The following ZNF551 variants were observed in gnomAD, a reference collection of about 807,000 sequenced individuals.
ZNF551 encodes the protein KOX 23 protein (56 AA).
A neutral mutation model predicts 7.9 loss-of-function variants in ZNF551; 5 were observed. That is an observed-to-expected ratio of 0.63 (90% CI 0.33 to 1.33). ZNF551 has a LOEUF of 1.33. Among genes scored for constraint, ZNF551 ranks in the 40% most tolerant of loss-of-function variants. The pLI is 0.05. For synonymous variants in ZNF551, 287 were observed against 277.3 expected (o/e 1.03, Z -0.35); for missense variants, 788 against 825.2 (o/e 0.95, Z 0.55).
intron 1 of ZNF551, among the ~76,000 whole-genome samples, chr19:57,683,216 A>C (rs948358770): frequency 6.6e-6 from 1 of 152,210 alleles, no homozygotes; most frequent in African/African-American, 2.4e-5. Flanking sequence ...GGGATAGGCC[A>C]GGTGAATGTG....
In ZNF551 at chr19:57,687,767, A is replaced by C. The variant is rs1175142163; in HGVS notation, c.1492A>C (p.Thr498Pro). ...CCTGATTCAACACCAAAGAGTTCAC[A>C]CTGGAGAAAGACCTTATGAATGCAG... Reference protein sequence around the residue: ...FILIQHQRVHTGERPYECSEC... With the variant: ...FILIQHQRVHPGERPYECSEC... Residue 498 changes from threonine (T) to proline (P), a missense_variant, in exon 3 of 3, where the codon ACT becomes CCT. Thr to Pro is a conservative substitution (Grantham distance 38). Transcript: ENST00000282296. The C allele has an allele frequency of 1.2e-6, 2 of 1,614,230 alleles. No individual in the cohort carries two copies. The highest frequency in any genetic ancestry group is 3.3e-5 in the Admixed American group (2 of 60,030).
chr19:57,685,373 G>A lies in ZNF551; in HGVS notation c.193G>A (p.Val65Ile), dbSNP rs1179405600. 2.5e-6 allele frequency: 4 copies of A among 1,614,118 alleles called. No homozygotes were observed. The highest frequency in any genetic ancestry group is 2.2e-5 in the South Asian group (2 of 91,084). The change falls in exon 2 of 3, where the codon GTA becomes ATA. Residue 65 changes from valine to isoleucine, a missense_variant. By Grantham distance (29) the Val-to-Ile change is conservative. Coordinates refer to ENST00000282296, the MANE Select transcript of ZNF551 (RefSeq NM_138347.5). ...TGTGATGCTGGAGAACTTTGCACAT[G>A]TAACATCCCTGGGTAAGGCCCTAGC... ...CDVMLENFAH[V>I]TSLGYCHGME...
chr19:57,687,380 G>C lies in ZNF551; in HGVS notation c.1105G>C (p.Gly369Arg), dbSNP rs149094286. The C allele has an allele frequency of 1.2e-6, 2 of 1,614,106 alleles. No homozygotes were observed. Among genetic ancestry groups the C allele is most frequent in the Non-Finnish European group, 1.7e-6 (2 of 1,180,020 alleles). ...GERPYECGEC[G>R]KSFRQSSSLF... ...AAGGCCTTATGAATGTGGCGAGTGC[G>C]GGAAATCCTTTAGACAAAGCTCTAG... Residue 369 changes from glycine (G) to arginine (R), a missense_variant, in exon 3 of 3, where the codon GGG becomes CGG. Transcript: ENST00000282296.
chr19:57,685,168 G>A (rs1984515653), intron 1 of ZNF551, 94 bp from the exon 2 acceptor site: 1 of 1,545,726 alleles, frequency 6.5e-7, no homozygotes, highest in Non-Finnish European at 8.8e-7. Context: ...CTCCGCTGAG[G>A]TGGGCAATAG....
At position 57,687,559 on chromosome 19, in the gene ZNF551, T is replaced by G; in HGVS notation, c.1284T>G (p.Phe428Leu). ...AGTGCAGTGATTGTGGGAAATCTTT[T>G]AGCTGCAAATCGGAACTCATTCAAC... ...PYQCSDCGKS[F>L]SCKSELIQHQ... is the part of the protein sequence containing the mutation. The change falls in exon 3 of 3, where the codon TTT becomes TTG. Residue 428 changes from phenylalanine to leucine, a missense_variant. Physicochemically the swap from Phe to Leu is conservative, Grantham distance 22. Transcript: ENST00000282296. 1 of 1,614,242 alleles carries G rather than the reference T, an allele frequency of 6.2e-7. No individual in the cohort carries two copies. The highest frequency in any genetic ancestry group is 8.5e-7 in the Non-Finnish European group (1 of 1,180,038).
At chr19:57,684,856 T>C (rs1463975823) in intron 1 of ZNF551, among the ~76,000 whole-genome samples, 2 of 152,020 alleles carry the variant, frequency 1.3e-5, no homozygotes, top group Non-Finnish European at 2.9e-5. Flanking sequence ...CTGAGGGCCA[T>C]ATGGGTGAAC....
intron 1 of ZNF551, among the ~76,000 whole-genome samples, chr19:57,682,625 A>T (rs181694563): frequency 1.3e-3 from 203 of 152,340 alleles, no homozygotes; most frequent in African/African-American, 4.4e-3. Flanking sequence ...AAAGTTGCTC[A>T]GGGGAAGAAC....
rs370747596 is a variant in ZNF551, at chr19:57,686,814, A to C, written c.539A>C (p.Tyr180Ser). 1.9e-6 allele frequency: 3 copies of C among 1,614,040 alleles called. No individual in the cohort carries two copies. Among genetic ancestry groups the C allele is most frequent in the Non-Finnish European group, 2.5e-6 (3 of 1,180,032 alleles). The change falls in exon 3 of 3, where the codon TAT becomes TCT. Residue 180 changes from tyrosine (Y) to serine (S), a missense_variant. Tyr to Ser is a moderately radical substitution (Grantham distance 144). Transcript: ENST00000282296. ...GGCTGCAGATTCCATGTGTTGAATTATTTCACCTGTGGGGAGGCCTTCCCA... is the reference window on the plus strand; with the variant it reads ...GGCTGCAGATTCCATGTGTTGAATTCTTTCACCTGTGGGGAGGCCTTCCCA... ...VTGCRFHVLN[Y>S]FTCGEAFPAP...
intron 1 of ZNF551, among the ~76,000 whole-genome samples, chr19:57,684,690 G>A (rs1287949934): frequency 2.0e-5 from 3 of 152,142 alleles, no homozygotes; most frequent in African/African-American, 4.8e-5. Context: ...ATGCAGCAGG[G>A]ATGAATTTGG....
rs1279632595 is a variant in ZNF551, at chr19:57,687,973, G to A, written c.1698G>A (p.Lys566=). The stretch of plus-strand genomic sequence containing the variant: ...CTTATGAATGTAGTGAATGTGGAAA[G>A]TCTTTTAGCCAAAGTGCTAGCCTCA... ...ERPYECSECG[K]SFSQSASLIQ... Residue 566 remains lysine (K), a synonymous_variant, in exon 3 of 3, where the codon AAG becomes AAA. Transcript: ENST00000282296. The A allele has an allele frequency of 6.2e-7, 1 of 1,612,614 alleles. No homozygotes were observed. Among genetic ancestry groups the A allele is most frequent in the Non-Finnish European group, 8.5e-7 (1 of 1,179,626 alleles).
Position 57,685,246 on chromosome 19 carries a change from A to G in ZNF551, c.82-16A>G. ...TCCGGGTCTGATCGTGGATTGAACT[A>G]TTCCTGCTGTGACAGGGTATGACCT... On this transcript the variant is annotated splice_polypyrimidine_tract_variant and intron_variant, in intron 1 of 2. Transcript: ENST00000282296. The G allele has an allele frequency of 6.2e-7, 1 of 1,613,426 alleles. No individual in the cohort carries two copies. Among genetic ancestry groups the G allele is most frequent in the Admixed American group, 1.7e-5 (1 of 59,946 alleles).
At chr19:57,683,643 G>T (rs1050167782) in intron 1 of ZNF551, among the ~76,000 whole-genome samples, 3 of 152,148 alleles carry the variant, frequency 2.0e-5, no homozygotes, top group Non-Finnish European at 2.9e-5. Context: ...GATAATAATA[G>T]TTGTCAAGGA....
chr19:57,682,173 C>T lies in ZNF551; in HGVS notation c.10C>T (p.Pro4Ser). MPA[P>S]VGRRSPPSPR... ...GGACTGTTGTGTTCGAATGCCCGCC[C>T]CGGTCGGCCGCCGCTCCCCGCCTAG... is the stretch of plus-strand genomic sequence containing the variant. The change falls in exon 1 of 3, where the codon CCG becomes TCG. Residue 4 changes from proline (P) to serine (S), a missense_variant. Transcript: ENST00000282296. 6.5e-7 allele frequency: 1 copy of T among 1,548,968 alleles called. No individual in the cohort carries two copies. Among genetic ancestry groups the T allele is most frequent in the Non-Finnish European group, 8.7e-7 (1 of 1,146,766 alleles).
At position 57,688,399 on chromosome 19, in the gene ZNF551, T is replaced by C. The variant is rs1984659773; in HGVS notation, c.*111T>C. ...AGCACCCACAGTGGGGTATTCTTCA[T>C]AAGTTTCAGGTATGTGGGAAGCTCT... On this transcript the variant is annotated 3_prime_UTR_variant, in exon 3 of 3. Transcript: ENST00000282296. 1 of 1,428,092 alleles carries C rather than the reference T, an allele frequency of 7.0e-7. No homozygotes were observed. The highest frequency in any genetic ancestry group is 1.4e-5 in the South Asian group (1 of 72,832). The allele number at this position is 1,428,092 out of a possible 1,614,324, so 88.5% of individuals were successfully genotyped here.
At chr19:57,685,424 T>C in intron 2 of ZNF551, 39 bp downstream of exon 2, 1 of 1,613,704 alleles carries the variant, frequency 6.2e-7, no homozygotes, top group Middle Eastern at 1.6e-4. Flanking sequence ...TGCTTTTCTT[T>C]TTGACCCCAG....
Position 57,690,401 on chromosome 19 carries a change from A to ACACACACACG in ZNF551, c.*2114_*2115insACACACACGC, listed in dbSNP as rs1867238361. ...CACACACACACACACACACACACAC[A>ACACACACACG]CGTATACGCATATACGTATACGTAT... On this transcript the variant is annotated 3_prime_UTR_variant, in exon 3 of 3. Coordinates refer to ENST00000282296, the MANE Select transcript of ZNF551 (RefSeq NM_138347.5). The ACACACACACG allele has an allele frequency of 6.9e-6, 1 of 144,964 alleles. No homozygotes were observed. Among genetic ancestry groups the ACACACACACG allele is most frequent in the African/African-American group, 2.6e-5 (1 of 39,160 alleles). 9.0% of individuals were successfully genotyped at this position (144,964 alleles called of 1,614,324 possible).
At position 57,682,247 on chromosome 19, in the gene ZNF551, G is replaced by A; in HGVS notation, c.81+3G>A. 3 of 1,550,252 alleles carry A rather than the reference G, an allele frequency of 1.9e-6. No individual in the cohort carries two copies. The highest frequency in any genetic ancestry group is 1.7e-6 in the Non-Finnish European group (2 of 1,146,734). On this transcript the variant is annotated splice_donor_region_variant and intron_variant, in intron 1 of 2. Coordinates refer to ENST00000282296, the MANE Select transcript of ZNF551 (RefSeq NM_138347.5). The stretch of plus-strand genomic sequence containing the variant: ...TCGCGCTGAGGGACTCGGCTCAGGT[G>A]AGTTGTGCGTCCTCCGGGTCTCGCC...
chr19:57,683,371 A>G (rs1201393681), intron 1 of ZNF551, among the ~76,000 whole-genome samples: 1 of 152,234 alleles, frequency 6.6e-6, no homozygotes, highest in Non-Finnish European at 1.5e-5. Flanking sequence ...TTATTTTGGC[A>G]GTTAGAAGTG....
intron 2 of ZNF551, among the ~76,000 whole-genome samples, chr19:57,685,742 C>A (rs1984534274): frequency 6.6e-6 from 1 of 151,596 alleles, no homozygotes; most frequent in Non-Finnish European, 1.5e-5. Flanking sequence ...TGTGGTAGCA[C>A]AATGAGGGCT....
Sources: gnomAD v4.1 joint callset for allele counts (sites outside exome capture counted in the v4.1 genomes callset) on GRCh38, gnomAD v4.1.1 for gene constraint, MANE v1.5 for transcripts, NCBI Gene and HGNC (gene_info 2026-07-23, HGNC 2026-07-21) for gene names.